The following ANKH variants were observed in gnomAD, a reference collection of about 807,000 sequenced individuals.
ANKH encodes the protein ANKH inorganic pyrophosphate transport regulator, also known as mineralization regulator ANKH.
Under a neutral mutation model 49.0 loss-of-function variants are expected in ANKH, and 15 were observed. The ratio of observed to expected loss-of-function variants is 0.31; its 90% confidence interval spans 0.20 to 0.47. The LOEUF (loss-of-function observed/expected upper bound fraction) is 0.47, where lower values mean the gene tolerates loss of function less well. Among genes scored for constraint, ANKH ranks in the 20% least tolerant of loss-of-function variants. The probability of loss-of-function intolerance (pLI) is 1.00; values close to 1 mark genes in which losing one functional copy is unlikely to be tolerated. For synonymous variants in ANKH, 273 were observed against 260.0 expected, an observed-to-expected ratio of 1.05 and a Z score of -0.48; for missense variants, 429 against 652.0, an observed-to-expected ratio of 0.66 and a Z score of 3.72.
chr5:14,737,574 C>A lies in ANKH; in HGVS notation c.1011+4253G>T, dbSNP rs1738226779. Among the ~76,000 whole-genome samples, 1 of 152,226 alleles carries A rather than the reference C, an allele frequency of 6.6e-6. No homozygotes were observed. The highest frequency in any genetic ancestry group is 1.5e-5 in the Non-Finnish European group (1 of 68,046). ...CCAGGAAGGCTCAGGGCAAGGCGAC[C>A]ACTGGCTCTGACTCCAGCACCAGTG... On this transcript the variant is annotated intron_variant, in intron 8 of 11. Transcript: ENST00000284268. This position sits in a 1 kb window ranked among gnomAD's most constrained non-coding sequence, Gnocchi z 5.0.
At chr5:14,817,135 C>T (rs1168349871) in intron 1 of ANKH, among the ~76,000 whole-genome samples, 1 of 152,090 alleles carries the variant, frequency 6.6e-6, no homozygotes, top group East Asian at 1.9e-4. Context: ...ATGTATTGTG[C>T]AAGAGTCTAG....
chr5:14,809,358 GAA>G (rs1281804480), intron 1 of ANKH, among the ~76,000 whole-genome samples: 1 of 95,370 alleles, frequency 1.0e-5, no homozygotes, highest in Non-Finnish European at 2.2e-5. Flanking sequence ...AAAAAAAAAA[GAA>G]AAAAAAAGAA....
At chr5:14,730,841 C>T (rs1299470030) in intron 8 of ANKH, among the ~76,000 whole-genome samples, 4 of 152,212 alleles carry the variant, frequency 2.6e-5, no homozygotes, top group Admixed American at 2.6e-4. Flanking sequence ...TGGCCAGAGC[C>T]CGGGTTCCAC....
intron 1 of ANKH, among the ~76,000 whole-genome samples, chr5:14,866,347 T>C (rs1309698901): frequency 6.6e-6 from 1 of 152,208 alleles, no homozygotes; most frequent in African/African-American, 2.4e-5. Context: ...CACCTGGCCC[T>C]AGGCAGAACA....
intron 1 of ANKH, among the ~76,000 whole-genome samples, chr5:14,789,751 G>A (rs1456468948): frequency 6.6e-6 from 1 of 151,994 alleles, no homozygotes; most frequent in Non-Finnish European, 1.5e-5. Flanking sequence ...TCACTCTGTT[G>A]CCTGGCTGGA....
At chr5:14,787,733 C>T (rs1292787122) in intron 1 of ANKH, among the ~76,000 whole-genome samples, 3 of 152,196 alleles carry the variant, frequency 2.0e-5, no homozygotes, top group Admixed American at 6.5e-5. Flanking sequence ...AGGTCACTGG[C>T]GTGCTTTGAG....
intron 11 of ANKH, among the ~76,000 whole-genome samples, chr5:14,712,486 C>G (rs186194099): frequency 6.6e-6 from 1 of 152,250 alleles, no homozygotes; most frequent in Admixed American, 6.5e-5. Flanking sequence ...CTTGGACTGC[C>G]CAGTCCTTGT....
intron 1 of ANKH, among the ~76,000 whole-genome samples, chr5:14,821,112 A>AT (rs1554008384): frequency 5.9e-5 from 9 of 151,268 alleles, no homozygotes; most frequent in African/African-American, 2.0e-4. Context: ...AAAAAAAAAA[A>AT]TTTCAGTTAT....
In ANKH at chr5:14,713,051, A is replaced by G; in HGVS notation, c.1266-78T>C. The G allele has an allele frequency of 1.4e-6, 2 of 1,390,404 alleles. No homozygotes were observed. The highest frequency in any genetic ancestry group is 2.0e-6 in the Non-Finnish European group (2 of 999,258). The allele number at this position is 1,390,404 out of a possible 1,614,324, so 86.1% of individuals were successfully genotyped here. A position where few individuals can be genotyped will look rare whatever the true frequency, so the allele number is the denominator to read the frequency against. On this transcript the variant is annotated intron_variant, in intron 10 of 11. Transcript: ENST00000284268. This position sits in a 1 kb window ranked among gnomAD's most constrained non-coding sequence, Gnocchi z 4.4. ...AACCGTCGATGCCAAAACCCAGGAA[A>G]GTAAGTGTAGCCTCGAGACGGCTGA...
intron 5 of ANKH, among the ~76,000 whole-genome samples, chr5:14,749,703 C>T (rs1438830502): frequency 1.3e-5 from 2 of 152,188 alleles, no homozygotes; most frequent in Non-Finnish European, 2.9e-5. Context: ...AGAGGTAACT[C>T]TTAGAAATAA....
intron 1 of ANKH, among the ~76,000 whole-genome samples, chr5:14,863,442 T>C (rs1241648965): frequency 6.6e-6 from 1 of 152,088 alleles, no homozygotes; most frequent in Non-Finnish European, 1.5e-5. Flanking sequence ...TTTAATAAGG[T>C]AGATAAATGT....
At chr5:14,805,117 A>T (rs761039949) in intron 1 of ANKH, among the ~76,000 whole-genome samples, 2 of 152,076 alleles carry the variant, frequency 1.3e-5, no homozygotes, top group East Asian at 3.9e-4. Flanking sequence ...AGGCAGACCC[A>T]CCCTTAATCT....
At chr5:14,820,585 C>T (rs139236525) in intron 1 of ANKH, among the ~76,000 whole-genome samples, 3 of 152,162 alleles carry the variant, frequency 2.0e-5, no homozygotes, top group Non-Finnish European at 4.4e-5. Context: ...GGCAGGCCAA[C>T]GGCCCAACAT....
chr5:14,758,436 C>T, intron 3 of ANKH, 44 bp downstream of exon 3: 1 of 1,422,754 alleles, frequency 7.0e-7, no homozygotes, highest in African/African-American at 1.4e-5. Context: ...ATTTTACCAC[C>T]AGTTAAAGAA....
At chr5:14,759,228 C>T (rs1303400378) in intron 2 of ANKH, among the ~76,000 whole-genome samples, 5 of 152,066 alleles carry the variant, frequency 3.3e-5, no homozygotes, top group Admixed American at 6.6e-5. Flanking sequence ...AATGACATTG[C>T]GGAGGTGCTT....
intron 1 of ANKH, among the ~76,000 whole-genome samples, chr5:14,796,725 A>G (rs1193788648): frequency 6.6e-6 from 1 of 152,192 alleles, no homozygotes; most frequent in Admixed American, 6.5e-5. Context: ...TAAAAGTGAC[A>G]TCTTTCAGTA....
chr5:14,769,099 C>G lies in ANKH; in HGVS notation c.189G>C (p.Thr63=). The G allele has an allele frequency of 8.7e-6, 14 of 1,614,062 alleles. No individual in the cohort carries two copies. Among genetic ancestry groups the G allele is most frequent in the Non-Finnish European group, 1.1e-5 (13 of 1,180,022 alleles). ...CATTTTTGAAGTCACTCATGGGACC[C>G]GTGAAGAACTTCATGAGGGAGTACG... ...GLAYSLMKFF[T]GPMSDFKNVG... Residue 63 remains threonine, a synonymous_variant, in exon 2 of 12, where the codon ACG becomes ACC. Coordinates refer to ENST00000284268, the MANE Select transcript of ANKH (RefSeq NM_054027.6).
intron 7 of ANKH, among the ~76,000 whole-genome samples, chr5:14,743,699 G>A (rs765843819): frequency 1.3e-5 from 2 of 152,192 alleles, no homozygotes; most frequent in East Asian, 3.8e-4. Context: ...GTGAATAGAC[G>A]GCATTCATAT....
At chr5:14,864,897 T>TAC (rs1278879520) in intron 1 of ANKH, among the ~76,000 whole-genome samples, 7 of 151,974 alleles carry the variant, frequency 4.6e-5, no homozygotes, top group East Asian at 1.9e-4. Flanking sequence ...ATATAATGTA[T>TAC]ACACACACAC....
Sources: allele counts gnomAD v4.1 joint callset (sites outside exome capture counted in the v4.1 genomes callset), GRCh38; gene constraint gnomAD v4.1.1; non-coding constraint Gnocchi (gnomAD v3.1); transcripts MANE v1.5; gene names NCBI Gene and HGNC (gene_info 2026-07-23, HGNC 2026-07-21).